CEP350: variants seen among roughly 807,000 people sequenced by gnomAD.
CEP350 encodes the protein centrosome-associated protein 350.
CEP350 carries 126 observed loss-of-function variants against 331.8 expected under a neutral mutation model. That is an observed-to-expected ratio of 0.38 (90% CI 0.33 to 0.44). The LOEUF is 0.44. Ranked by LOEUF, CEP350 falls within the 20% of genes least tolerant of loss-of-function variation. CEP350 has a pLI of 1.00. For synonymous variants in CEP350, 1,200 were observed against 1,259.5 expected, an observed-to-expected ratio of 0.95 and a Z score of 1.00; for missense variants, 3,406 against 3,634.6, an observed-to-expected ratio of 0.94 and a Z score of 1.62.
intron 25 of CEP350, among the ~76,000 whole-genome samples, chr1:180,057,919 A>G (rs1657959947): frequency 6.6e-6 from 1 of 152,136 alleles, no homozygotes; most frequent in African/African-American, 2.4e-5. Context: ...TTAGCCCTCT[A>G]TGTGCTACTT....
chr1:179,954,838 C>T lies in CEP350; in HGVS notation c.-318C>T, dbSNP rs1650045055. 1 of 430,802 alleles carries T rather than the reference C, an allele frequency of 2.3e-6. No homozygotes were observed. The highest frequency in any genetic ancestry group is 2.0e-5 in the African/African-American group (1 of 48,932). The allele number at this position is 430,802 out of a possible 1,614,324, so 26.7% of individuals were successfully genotyped here. A position where few individuals can be genotyped will look rare whatever the true frequency, so the allele number is the denominator to read the frequency against. On this transcript the variant is annotated 5_prime_UTR_variant, in exon 1 of 38. Coordinates refer to ENST00000367607, the MANE Select transcript of CEP350 (RefSeq NM_014810.5). ...TGTTGGGCTGTAATGGCGACTGGGC[C>T]GCCCCTGACGAAGTGACTCCCGGGC...
In CEP350 at chr1:179,992,266, T is replaced by TA. The variant is rs1263840291; in HGVS notation, c.395+47dup. ...AAAGGTATCAAATAGGTTTAGCCTG[T>TA]AATATTTACAGTAAGAGTATACGTT... On this transcript the variant is annotated intron_variant, in intron 5 of 37. Transcript: ENST00000367607. 2.1e-6 allele frequency: 3 copies of TA among 1,398,756 alleles called. No individual in the cohort carries two copies. In the African/African-American group the frequency reaches 4.5e-5, roughly 21 times the overall value. 86.6% of individuals were successfully genotyped at this position (1,398,756 alleles called of 1,614,324 possible).
chr1:180,073,942 T>C (rs1659052282), intron 27 of CEP350: 1 of 1,302,864 alleles, frequency 7.7e-7, no homozygotes, highest in Non-Finnish European at 1.0e-6. Context: ...CACTCTTTGA[T>C]AGAGCATGCT....
chr1:180,055,022 T>C (rs1057376369), intron 25 of CEP350, among the ~76,000 whole-genome samples: 1 of 152,230 alleles, frequency 6.6e-6, no homozygotes, highest in African/African-American at 2.4e-5. Flanking sequence ...GCTGGTTTCA[T>C]AACCTTGAAC....
At chr1:180,065,380 G>T in intron 27 of CEP350, 108 bp downstream of exon 27, 2 of 1,076,256 alleles carry the variant, frequency 1.9e-6, no homozygotes, top group Non-Finnish European at 2.6e-6. Flanking sequence ...AATATTTTAT[G>T]GATTCAGTAG....
At chr1:180,100,109 C>G (rs1022678149) in intron 37 of CEP350, among the ~76,000 whole-genome samples, 1 of 152,080 alleles carries the variant, frequency 6.6e-6, no homozygotes, top group South Asian at 2.1e-4. Context: ...TTGATCCTCA[C>G]GATAATTACA....
chr1:179,978,596 C>G (rs1332770118), intron 1 of CEP350, among the ~76,000 whole-genome samples: 1 of 151,970 alleles, frequency 6.6e-6, no homozygotes, highest in Non-Finnish European at 1.5e-5. Flanking sequence ...GAGAAGAGCT[C>G]TTCTATGAGC....
intron 36 of CEP350, 72 bp from the exon 37 acceptor site, chr1:180,098,791 A>T: frequency 8.0e-7 from 1 of 1,250,742 alleles, no homozygotes; most frequent in Non-Finnish European, 1.1e-6. Context: ...GAATCTGTTT[A>T]CTGCATTGTA....
Position 180,021,044 on chromosome 1 carries a change from TATTAA to T in CEP350, c.3235+36_3235+40del. 4 of 1,426,762 alleles carry T rather than the reference TATTAA, an allele frequency of 2.8e-6. No homozygotes were observed. The South Asian group carries it at 4.8e-5, about 17-fold the overall frequency. The allele number at this position is 1,426,762 out of a possible 1,614,324, so 88.4% of individuals were successfully genotyped here. ...ATAAATATAGCTTGTACTGTTTGTA[TATTAA>T]GATGAATTATTTTATAATTTCTGTA... is the stretch of plus-strand genomic sequence containing the variant. On this transcript the variant is annotated intron_variant, in intron 12 of 37. Coordinates refer to ENST00000367607, the MANE Select transcript of CEP350 (RefSeq NM_014810.5).
intron 1 of CEP350, among the ~76,000 whole-genome samples, chr1:179,957,242 AAGT>A (rs1650235731): frequency 6.6e-6 from 1 of 152,208 alleles, no homozygotes; most frequent in African/African-American, 2.4e-5. Flanking sequence ...CATAACTGAA[AAGT>A]AGTAATATCT....
At position 180,041,199 on chromosome 1, in the gene CEP350, C is replaced by A; in HGVS notation, c.4172C>A (p.Ala1391Asp). ...TTGAAACTAAAGGCTGAACAAGAGG[C>A]TCTGGAGAGTCAGAGACAATTAGAA... ...ALLKLKAEQE[A>D]LESQRQLEET... is the part of the protein sequence containing the mutation. Residue 1391 changes from alanine to aspartate, a missense_variant, in exon 18 of 38, where the codon GCT becomes GAT. Ala to Asp is a moderately radical substitution (Grantham distance 126). Coordinates refer to ENST00000367607, the MANE Select transcript of CEP350 (RefSeq NM_014810.5). 1 of 1,598,338 alleles carries A rather than the reference C, an allele frequency of 6.3e-7. No homozygotes were observed.
intron 25 of CEP350, among the ~76,000 whole-genome samples, chr1:180,056,086 TGGTA>T (rs1657824626): frequency 6.6e-6 from 1 of 152,190 alleles, no homozygotes; most frequent in African/African-American, 2.4e-5. Context: ...TTGATACATC[TGGTA>T]TTTTATTGCA....
At chr1:180,008,573 C>G (rs1654411140) in intron 8 of CEP350, among the ~76,000 whole-genome samples, 1 of 152,168 alleles carries the variant, frequency 6.6e-6, no homozygotes, top group South Asian at 2.1e-4. Context: ...GGGAACCTGT[C>G]ACTTTCAATT....
Position 180,084,189 on chromosome 1 carries a change from G to C in CEP350, c.6285+11G>C. The stretch of plus-strand genomic sequence containing the variant: ...ATCAAGCAGTTAGAGGTTAGACATA[G>C]GAAGAAGGGGGTTTAGTATCAAGGC... On this transcript the variant is annotated intron_variant, in intron 31 of 37. Transcript: ENST00000367607. 1 of 1,571,270 alleles carries C rather than the reference G, an allele frequency of 6.4e-7. No individual in the cohort carries two copies. The highest frequency in any genetic ancestry group is 1.2e-5 in the South Asian group (1 of 84,460).
intron 28 of CEP350, among the ~76,000 whole-genome samples, chr1:180,076,508 G>C (rs961333969): frequency 4.6e-5 from 7 of 152,168 alleles, no homozygotes; most frequent in Admixed American, 4.6e-4. Flanking sequence ...AATTTAAAAA[G>C]CATTTGTGGG....
intron 7 of CEP350, among the ~76,000 whole-genome samples, chr1:180,004,855 T>A: frequency 6.6e-6 from 1 of 150,660 alleles, no homozygotes; most frequent in African/African-American, 2.5e-5. Flanking sequence ...CCTCAGAGCT[T>A]GGGCAGGCAG....
chr1:180,100,913 CCACA>C (rs1660765469), intron 37 of CEP350, among the ~76,000 whole-genome samples: 1 of 152,142 alleles, frequency 6.6e-6, no homozygotes, highest in African/African-American at 2.4e-5. Context: ...TGGGTCCCTC[CCACA>C]CACGTGGGAA....
chr1:180,030,355 T>C lies in CEP350; in HGVS notation c.3551-965T>C, dbSNP rs553274314. On this transcript the variant is annotated intron_variant, in intron 14 of 37. Transcript: ENST00000367607. ...TGTGTGTATATATAAACATAATATA[T>C]ATATAATATGTGAAATATATATTTT... Among the ~76,000 whole-genome samples, 60 of 132,556 alleles carry C rather than the reference T, an allele frequency of 4.5e-4. 1 individual carries two copies. Among genetic ancestry groups the C allele is most frequent in the African/African-American group, 1.6e-3 (60 of 37,132 alleles). The allele number at this position is 132,556 out of a possible 152,430, so 87.0% of individuals were successfully genotyped here. A position where few individuals can be genotyped will look rare whatever the true frequency, so the allele number is the denominator to read the frequency against.
At chr1:180,056,136 T>G in intron 25 of CEP350, among the ~76,000 whole-genome samples, 1 of 152,184 alleles carries the variant, frequency 6.6e-6, no homozygotes, top group Non-Finnish European at 1.5e-5. Flanking sequence ...TTTGATTAGT[T>G]TGAAAATGTA....
Sources: allele counts gnomAD v4.1 joint callset (sites outside exome capture counted in the v4.1 genomes callset), GRCh38; gene constraint gnomAD v4.1.1; transcripts MANE v1.5; gene names NCBI Gene and HGNC (gene_info 2026-07-23, HGNC 2026-07-21).